Variants in GPN1 observed in about 807,000 individuals in gnomAD.
GPN1 encodes GPN-loop GTPase 1, also known as ATP(GTP)-binding protein.
Under a neutral mutation model 55.9 loss-of-function variants are expected in GPN1, and 44 were observed. That is an observed-to-expected ratio of 0.79 (90% CI 0.62 to 1.01). GPN1 has a LOEUF of 1.01. Among genes scored for constraint, GPN1 ranks in the 50% least tolerant of loss-of-function variants. GPN1 has a pLI of 0.00. For missense variants in GPN1, 466 were observed against 462.8 expected, an observed-to-expected ratio of 1.01 and a Z score of -0.06; for synonymous variants, 179 against 162.5, an observed-to-expected ratio of 1.10 and a Z score of -0.77.
intron 13 of GPN1, 61 bp from the exon 14 acceptor site, chr2:27,650,054 G>A (rs778974802): frequency 3.6e-5 from 32 of 890,496 alleles, no homozygotes; most frequent in East Asian, 7.3e-5. Flanking sequence ...GATGGGTGAC[G>A]GGCTCTAATC....
At chr2:27,634,801 C>A in intron 5 of GPN1, 45 bp from the exon 6 acceptor site, 1 of 1,045,746 alleles carries the variant, frequency 9.6e-7, no homozygotes, top group Non-Finnish European at 1.5e-6. Context: ...TATCCTTCAG[C>A]ATAACACAAA....
intron 9 of GPN1, 131 bp downstream of exon 9, chr2:27,639,162 T>TA: frequency 1.4e-6 from 1 of 711,746 alleles, no homozygotes; most frequent in Non-Finnish European, 2.3e-6. Flanking sequence ...CATTGCTTAT[T>TA]AAAAATTGTG....
At chr2:27,649,440 TAATA>T (rs1674413358) in intron 13 of GPN1, among the ~76,000 whole-genome samples, 1 of 145,466 alleles carries the variant, frequency 6.9e-6, no homozygotes, top group Non-Finnish European at 1.6e-5. Flanking sequence ...TGATGAGCTT[TAATA>T]AATATATACT....
intron 7 of GPN1, among the ~76,000 whole-genome samples, chr2:27,636,368 C>T (rs1189326924): frequency 6.6e-6 from 1 of 152,148 alleles, no homozygotes; most frequent in Non-Finnish European, 1.5e-5. Flanking sequence ...AATGCCATCA[C>T]CAACATTTGT....
chr2:27,647,593 A>C (rs1674299100), intron 12 of GPN1, among the ~76,000 whole-genome samples: 3 of 152,200 alleles, frequency 2.0e-5, no homozygotes, highest in African/African-American at 7.2e-5. Flanking sequence ...AGCTTCTTGA[A>C]AATTATTTCC....
Position 27,629,889 on chromosome 2 carries a change from A to T in GPN1, c.142A>T (p.Thr48Ser). ...RLTGHLHAQGTPPYVINLDPA... is the reference protein window; with the variant it reads ...RLTGHLHAQGSPPYVINLDPA... ...CACAGGACACCTGCATGCCCAAGGCACTCCACCGTATGTGATCAACCTGGA... is the reference window on the plus strand; with the variant it reads ...CACAGGACACCTGCATGCCCAAGGCTCTCCACCGTATGTGATCAACCTGGA... Residue 48 changes from threonine to serine, a missense_variant, in exon 2 of 14, where the codon ACT (threonine) becomes TCT (serine). By Grantham distance (58) the Thr-to-Ser change is moderately conservative. Transcript: ENST00000610189. 1 of 1,609,956 alleles carries T rather than the reference A, an allele frequency of 6.2e-7. No individual in the cohort carries two copies. Among genetic ancestry groups the T allele is most frequent in the Non-Finnish European group, 8.5e-7 (1 of 1,176,244 alleles).
chr2:27,630,943 A>C (rs1673523693), intron 2 of GPN1, 84 bp from the exon 3 acceptor site: 1 of 726,026 alleles, frequency 1.4e-6, no homozygotes, highest in African/African-American at 1.7e-5. Flanking sequence ...CTGACAGGAG[A>C]AGGCTAGAAG....
intron 3 of GPN1, chr2:27,631,525 G>A (rs1673552804): frequency 2.1e-6 from 1 of 482,996 alleles, no homozygotes; most frequent in South Asian, 2.5e-5. Flanking sequence ...GATCAGAGCC[G>A]GAGGTGTTAT....
Position 27,631,612 on chromosome 2 carries a change from T to C in GPN1, c.246-222T>C, listed in dbSNP as rs1430907073. ...TGTATTACATTTTGGTCACTTTGCT[T>C]TCTTCATTTTGCCTGACCACTCCTT... On this transcript the variant is annotated intron_variant, in intron 3 of 13. Coordinates refer to ENST00000610189, the MANE Select transcript of GPN1 (RefSeq NM_007266.4). 3 of 579,924 alleles carry C rather than the reference T, an allele frequency of 5.2e-6. No homozygotes were observed. The African/African-American group carries it at 5.6e-5, about 11-fold the overall frequency. The allele number at this position is 579,924 out of a possible 1,614,324, so 35.9% of individuals were successfully genotyped here. A position where few individuals can be genotyped will look rare whatever the true frequency, so the allele number is the denominator to read the frequency against.
At chr2:27,639,755 C>G (rs781717656) in intron 9 of GPN1, among the ~76,000 whole-genome samples, 3 of 152,146 alleles carry the variant, frequency 2.0e-5, no homozygotes, top group African/African-American at 7.2e-5. Context: ...AATGCTTGGC[C>G]TCAAGTGCAC....
chr2:27,628,989 C>A (rs1394896015), upstream of GPN1: 2 of 1,605,796 alleles, frequency 1.2e-6, no homozygotes, highest in Admixed American at 1.7e-5. Flanking sequence ...CGTTCGCAGC[C>A]CAGAACATTG....
rs1673440673 is a variant in GPN1, at chr2:27,629,393, TACC to T, written c.111+227_111+229del. ...CCTTCAGGGCATACTCGGTCCAGCT[TACC>T]ACGTTGTACAGGAATTGTCTTGCTG... is the stretch of plus-strand genomic sequence containing the variant. On this transcript the variant is annotated intron_variant, in intron 1 of 13. Coordinates refer to ENST00000610189, the MANE Select transcript of GPN1 (RefSeq NM_007266.4). The T allele has an allele frequency of 3.2e-6, 5 of 1,551,300 alleles. 1 individual carries two copies. In the South Asian group the frequency reaches 4.8e-5, roughly 15 times the overall value.
In GPN1 at chr2:27,629,115, A is replaced by T; in HGVS notation, c.57A>T (p.Pro19=). 1 of 1,614,176 alleles carries T rather than the reference A, an allele frequency of 6.2e-7. No homozygotes were observed. The highest frequency in any genetic ancestry group is 2.2e-5 in the East Asian group (1 of 44,882). The change falls in exon 1 of 14, where the codon CCA becomes CCT. Residue 19 remains proline, a synonymous_variant. Coordinates refer to ENST00000610189, the MANE Select transcript of GPN1 (RefSeq NM_007266.4). ...ELQASGGPRH[P]VCLLVLGMAG... ...AGGCTTCTGGGGGTCCGCGGCACCC[A>T]GTGTGTCTGTTGGTGTTGGGAATGG...
rs1014733133 is a variant in GPN1, at chr2:27,643,770, G to T, written c.931+1251G>T. ...GATTCAGGTGACTAATTTTTGAATT[G>T]TGTTTTTTCAAGGAATCACATTGGG... is the stretch of plus-strand genomic sequence containing the variant. On this transcript the variant is annotated intron_variant, in intron 12 of 13. Coordinates refer to ENST00000610189, the MANE Select transcript of GPN1 (RefSeq NM_007266.4). This position sits in a 1 kb window ranked among gnomAD's most constrained non-coding sequence, Gnocchi z 4.0. Among the ~76,000 whole-genome samples, 1 of 152,122 alleles carries T rather than the reference G, an allele frequency of 6.6e-6. No homozygotes were observed. The highest frequency in any genetic ancestry group is 1.5e-5 in the Non-Finnish European group (1 of 68,022).
rs530357536 is a variant in GPN1, at chr2:27,643,367, T to G, written c.931+848T>G. ...TTATATGTTATATAAATATATATTT[T>G]TCCTGAATCATTTGAGTAAGTTACA... On this transcript the variant is annotated intron_variant, in intron 12 of 13. Coordinates refer to ENST00000610189, the MANE Select transcript of GPN1 (RefSeq NM_007266.4). This position sits in a 1 kb window ranked among gnomAD's most constrained non-coding sequence, Gnocchi z 4.0. Among the ~76,000 whole-genome samples the G allele has an allele frequency of 6.6e-6, 1 of 152,134 alleles. No individual in the cohort carries two copies. Among genetic ancestry groups the G allele is most frequent in the Admixed American group, 6.5e-5 (1 of 15,292 alleles).
Position 27,638,988 on chromosome 2 carries a change from G to A in GPN1, c.674G>A (p.Arg225His), listed in dbSNP as rs757995986. 4.3e-5 allele frequency: 70 copies of A among 1,612,978 alleles called. No individual in the cohort carries two copies. Among genetic ancestry groups the A allele is most frequent in the Admixed American group, 6.7e-5 (4 of 59,870 alleles). ...ACTACATACGTCAGTAACCTGACTC[G>A]TTCAATGAGCCTGGTGTTAGATGAG... The part of the protein sequence containing the change: ...QETTYVSNLT[R>H]SMSLVLDEFY... The change falls in exon 9 of 14, where the codon CGT becomes CAT. Residue 225 changes from arginine (R) to histidine (H), a missense_variant. Coordinates refer to ENST00000610189, the MANE Select transcript of GPN1 (RefSeq NM_007266.4).
At chr2:27,628,775 T>G, upstream of GPN1, 2 of 1,527,488 alleles carry the variant, frequency 1.3e-6, no homozygotes, top group South Asian at 2.5e-5. Flanking sequence ...TCTTCTGGCC[T>G]TCCTCCGGGA....
At chr2:27,628,348 C>T (rs550960048), upstream of GPN1, 8 of 1,498,328 alleles carry the variant, frequency 5.3e-6, no homozygotes, top group African/African-American at 9.9e-5. Context: ...TCTGAGGGAC[C>T]TTCAGTGACT....
chr2:27,632,738 C>G, intron 5 of GPN1, 68 bp downstream of exon 5: 1 of 1,011,480 alleles, frequency 9.9e-7, no homozygotes, highest in Admixed American at 1.8e-5. Context: ...CATGGAGGAT[C>G]TGGGATACCA....
Sources: allele counts gnomAD v4.1 joint callset (sites outside exome capture counted in the v4.1 genomes callset), GRCh38; gene constraint gnomAD v4.1.1; non-coding constraint Gnocchi (gnomAD v3.1); transcripts MANE v1.5; gene names NCBI Gene and HGNC (gene_info 2026-07-23, HGNC 2026-07-21).